PVR: variants seen among roughly 807,000 people sequenced by gnomAD.
PVR encodes poliovirus receptor.
PVR carries 39 observed loss-of-function variants against 43.3 expected under a neutral mutation model. That is an observed-to-expected ratio of 0.90 (90% confidence interval 0.70 to 1.18). The LOEUF is 1.18. Among genes scored for constraint, PVR ranks in the 50% most tolerant of loss-of-function variants. The pLI is 0.00. For synonymous variants in PVR, 224 were observed against 233.2 expected (o/e 0.96, Z 0.36); for missense variants, 480 against 549.7 (o/e 0.87, Z 1.27).
chr19:44,661,254 T>C, intron 6 of PVR, 38 bp from the exon 7 acceptor site: 1 of 1,597,052 alleles, frequency 6.3e-7, no homozygotes, highest in Non-Finnish European at 8.6e-7. Context: ...CTTCCCAGCA[T>C]TATTCCTTCC....
rs2123773650 is a variant in PVR at position 44,661,970 on chromosome 19, T to G, written c.*159T>G. The G allele has an allele frequency of 1.6e-6, 1 of 626,210 alleles. No individual in the cohort carries two copies. The highest frequency in any genetic ancestry group is 1.8e-5 in the African/African-American group (1 of 54,502). The allele number at this position is 626,210 out of a possible 1,614,324, so 38.8% of individuals were successfully genotyped here. A position where few individuals can be genotyped will look rare whatever the true frequency, so the allele number is the denominator to read the frequency against. On this transcript the variant is annotated 3_prime_UTR_variant, in exon 8 of 8. Coordinates refer to ENST00000425690, the MANE Select transcript of PVR (RefSeq NM_006505.5). ...ACGGGGGCAGGTGCAAGTTCATAGG[T>G]CTCCAAGACCACCCTCCTTTCATTT...
chr19:44,657,312 G>A (rs548181125), intron 4 of PVR, among the ~76,000 whole-genome samples: 15 of 152,322 alleles, frequency 9.8e-5, no homozygotes, highest in Admixed American at 9.8e-4. Context: ...GCCAGATCAC[G>A]TGGGGCCTGT....
chr19:44,651,064 T>G (rs760572574), intron 3 of PVR, among the ~76,000 whole-genome samples: 8 of 152,010 alleles, frequency 5.3e-5, no homozygotes, highest in Non-Finnish European at 1.0e-4. Context: ...GAGAGAGTTT[T>G]GCTGTGTTGC....
intron 1 of PVR, among the ~76,000 whole-genome samples, chr19:44,644,688 A>G (rs1454196699): frequency 6.8e-6 from 1 of 148,012 alleles, no homozygotes; most frequent in Non-Finnish European, 1.5e-5. Flanking sequence ...GTCTGACTCC[A>G]GGGGCCTGGC....
At chr19:44,661,358 G>A in intron 7 of PVR, 35 bp downstream of exon 7, 1 of 1,609,472 alleles carries the variant, frequency 6.2e-7, no homozygotes, top group Non-Finnish European at 8.5e-7. Flanking sequence ...AGGGTGTGGG[G>A]TCTGCACGAA....
At chr19:44,661,642 G>T (rs1389112456) in intron 7 of PVR, 98 bp from the exon 8 acceptor site, 4 of 1,087,456 alleles carry the variant, frequency 3.7e-6, no homozygotes, top group Non-Finnish European at 5.5e-6. Context: ...GAGAGGAGGG[G>T]ACGGGCCTGC....
intron 1 of PVR, among the ~76,000 whole-genome samples, chr19:44,645,125 T>A (rs1344062976): frequency 8.0e-5 from 5 of 62,142 alleles, no homozygotes; most frequent in South Asian, 9.3e-4. Context: ...TATAATATAT[T>A]ATAATATATT....
intron 1 of PVR, among the ~76,000 whole-genome samples, chr19:44,645,135 T>TA (rs1973056899): frequency 4.5e-4 from 18 of 40,164 alleles, no homozygotes; most frequent in South Asian, 1.6e-3. Flanking sequence ...TATAATATAT[T>TA]ATATATATTA....
rs1222834922 is a variant in PVR at position 44,644,018 on chromosome 19, C to T, written c.-79C>T. 1.2e-4 allele frequency: 152 copies of T among 1,273,844 alleles called. No individual in the cohort carries two copies. Among genetic ancestry groups the T allele is most frequent in the Non-Finnish European group, 1.6e-4 (151 of 947,234 alleles). The allele number at this position is 1,273,844 out of a possible 1,614,324, so 78.9% of individuals were successfully genotyped here. A position where few individuals can be genotyped will look rare whatever the true frequency, so the allele number is the denominator to read the frequency against. On this transcript the variant is annotated 5_prime_UTR_variant, in exon 1 of 8. Transcript: ENST00000425690. Reference sequence around the variant, plus strand: ...ACCTGAGCTCCGGGAGCTGGACTCGCAGCGACCGCGGCAGAGCGAGCGGGC... The same window carrying T: ...ACCTGAGCTCCGGGAGCTGGACTCGTAGCGACCGCGGCAGAGCGAGCGGGC...
Position 44,649,983 on chromosome 19 carries a change from C to A in PVR, c.602C>A (p.Thr201Asn). The A allele has an allele frequency of 6.2e-7, 1 of 1,607,796 alleles. No homozygotes were observed. Among genetic ancestry groups the A allele is most frequent in the Non-Finnish European group, 8.5e-7 (1 of 1,175,950 alleles). Residue 201 changes from threonine (T) to asparagine (N), a missense_variant, in exon 3 of 8, where the codon ACT (threonine) becomes AAT (asparagine). Physicochemically the swap from Thr to Asn is moderately conservative, Grantham distance 65 (BLOSUM62 0). Transcript: ENST00000425690. ...QVPGFLSGTVTVTSLWILVPS... is the reference protein window; with the variant it reads ...QVPGFLSGTVNVTSLWILVPS... ...CCAGGGTTCCTGTCTGGCACAGTCA[C>A]TGTCACCAGCCTCTGGATATTGGTG...
rs203711 is a variant in PVR at position 44,664,264 on chromosome 19, A to G, written c.*2453A>G. On this transcript the variant is annotated 3_prime_UTR_variant, in exon 8 of 8. Coordinates refer to ENST00000425690, the MANE Select transcript of PVR (RefSeq NM_006505.5). The stretch of plus-strand genomic sequence containing the variant: ...CACTTTGTTGCCCAGGCTGGAGTGC[A>G]GTGGCGTGATCATGGCTCATTGCAG... The G allele has an allele frequency of 0.27, 41,322 of 151,876 alleles. 5,678 individuals carry two copies. Among genetic ancestry groups the G allele is most frequent in the South Asian group, 0.35 (1,690 of 4,802 alleles). The allele number at this position is 151,876 out of a possible 1,614,324, so 9.4% of individuals were successfully genotyped here. A position where few individuals can be genotyped will look rare whatever the true frequency, so the allele number is the denominator to read the frequency against.
chr19:44,658,885 C>G lies in PVR; in HGVS notation c.1135C>G (p.His379Asp). The change falls in exon 6 of 8, where the codon CAT becomes GAT. Residue 379 changes from histidine to aspartate, a missense_variant. By Grantham distance (81) the His-to-Asp change is moderately conservative (BLOSUM62 -1). Transcript: ENST00000425690. ...TTCCCGTGAGGTCCTTTGGCACTGT[C>G]ATCTGTGTCCCTCGAGTGAGCATCA... Reference protein sequence around the residue: ...KCSREVLWHCHLCPSSTEHAS... With the variant: ...KCSREVLWHCDLCPSSTEHAS... 6.2e-7 allele frequency: 1 copy of G among 1,614,032 alleles called. No individual in the cohort carries two copies. Among genetic ancestry groups the G allele is most frequent in the East Asian group, 2.2e-5 (1 of 44,876 alleles).
chr19:44,661,621 G>C (rs1973593012), intron 7 of PVR, 119 bp from the exon 8 acceptor site: 1 of 915,128 alleles, frequency 1.1e-6, no homozygotes, highest in Non-Finnish European at 1.7e-6. Context: ...CACTGCCCTG[G>C]CTTCCAGGGA....
chr19:44,657,439 C>T (rs1359029355), intron 4 of PVR, among the ~76,000 whole-genome samples: 3 of 152,144 alleles, frequency 2.0e-5, no homozygotes. Context: ...ATGTGGGGAA[C>T]AGACGAGGGG....
intron 5 of PVR, 144 bp from the exon 6 acceptor site, chr19:44,658,598 G>C (rs1973515036): frequency 5.8e-6 from 4 of 692,320 alleles, no homozygotes; most frequent in Admixed American, 2.9e-5. Context: ...CTGGGCACCA[G>C]AGGGTGGGAT....
intron 6 of PVR, 57 bp downstream of exon 6, chr19:44,658,957 C>T: frequency 2.0e-6 from 3 of 1,531,784 alleles, no homozygotes; most frequent in Non-Finnish European, 2.7e-6. Flanking sequence ...TGTGCTGAGT[C>T]CTTCCAGTGT....
intron 4 of PVR, among the ~76,000 whole-genome samples, chr19:44,657,363 C>T (rs961856875): frequency 3.3e-5 from 5 of 152,142 alleles, no homozygotes; most frequent in Non-Finnish European, 4.4e-5. Flanking sequence ...CCAGGCTAGG[C>T]CCCCAGAGGG....
At chr19:44,654,123 G>A in intron 4 of PVR, 106 bp downstream of exon 4, 1 of 913,422 alleles carries the variant, frequency 1.1e-6, no homozygotes, top group Non-Finnish European at 1.7e-6. Context: ...GAAGGGGCTG[G>A]GGGCCCGGAC....
At chr19:44,650,840 T>C (rs1412956876) in intron 3 of PVR, among the ~76,000 whole-genome samples, 1 of 151,968 alleles carries the variant, frequency 6.6e-6, no homozygotes, top group Non-Finnish European at 1.5e-5. Context: ...GCTGGAATTA[T>C]AGGCATGAGC....
Sources: allele counts gnomAD v4.1 joint callset (sites outside exome capture counted in the v4.1 genomes callset), GRCh38; gene constraint gnomAD v4.1.1; transcripts MANE v1.5; gene names NCBI Gene and HGNC (gene_info 2026-07-23, HGNC 2026-07-21).